SOX6: variants seen among roughly 807,000 people sequenced by gnomAD.
SOX6 encodes SRY-box transcription factor 6.
SOX6 carries 11 observed loss-of-function variants against 97.8 expected under a neutral mutation model. That is an observed-to-expected ratio of 0.11 (90% CI 0.07 to 0.19). The LOEUF is 0.19. SOX6 is among the 10% of genes least tolerant of loss of function. The pLI is 1.00. For synonymous variants in SOX6, 360 were observed against 371.4 expected (o/e 0.97, Z 0.35); for missense variants, 810 against 1,039.5 (o/e 0.78, Z 3.04).
intron 6 of SOX6, among the ~76,000 whole-genome samples, chr11:16,120,894 A>C (rs1389853253): frequency 6.6e-6 from 1 of 152,096 alleles, no homozygotes; most frequent in African/African-American, 2.4e-5. Context: ...TTACAGAGGA[A>C]AGAAATAATC....
At chr11:16,282,871 TAC>T in intron 3 of SOX6, among the ~76,000 whole-genome samples, 1 of 150,446 alleles carries the variant, frequency 6.6e-6, no homozygotes, top group South Asian at 2.1e-4. Flanking sequence ...TTAATGTTCT[TAC>T]TACTTGAAGT....
At chr11:16,513,175 C>T (rs552168750) in intron 4 of SOX6, among the ~76,000 whole-genome samples, 9 of 152,132 alleles carry the variant, frequency 5.9e-5, no homozygotes, top group African/African-American at 2.2e-4. Context: ...GGTCAACTGG[C>T]AGTAGTATGT....
chr11:16,514,816 G>A (rs915732576), intron 4 of SOX6, among the ~76,000 whole-genome samples: 4 of 151,072 alleles, frequency 2.6e-5, no homozygotes, highest in South Asian at 2.1e-4. Flanking sequence ...TTGTGCTTGC[G>A]ATAGTTTACT....
chr11:16,359,683 T>C (rs999044013), upstream of SOX6, among the ~76,000 whole-genome samples: 9 of 152,114 alleles, frequency 5.9e-5, no homozygotes, highest in African/African-American at 2.2e-4. Context: ...CTGATAAATG[T>C]TGTTGAAAGA....
rs1859198458 is a variant in SOX6, at chr11:16,428,425, C to T, written c.-5+47890G>A. On this transcript the variant is annotated intron_variant, in intron 1 of 15. Transcript: ENST00000396356. ...CCATGCCTATGTCCTGAATGTATTGCCTAGGTTTTCTTCTAGGGTTTTTAT... is the reference window on the plus strand; with the variant it reads ...CCATGCCTATGTCCTGAATGTATTGTCTAGGTTTTCTTCTAGGGTTTTTAT... Among the ~76,000 whole-genome samples the T allele has an allele frequency of 3.3e-5, 5 of 152,218 alleles. No individual in the cohort carries two copies. The South Asian group carries it at 1.0e-3, about 32-fold the overall frequency.
At chr11:16,125,816 TAGGAAGGAAGGAAGGAAGGAAGGA>T (rs3085337) in intron 6 of SOX6, among the ~76,000 whole-genome samples, 5 of 99,620 alleles carry the variant, frequency 5.0e-5, no homozygotes, top group South Asian at 3.8e-4. Context: ...AAAGAAATCA[TAGGAAGGAAGGAAGGAAGGAAGGA>T]AGGAAGGAAG....
intron 6 of SOX6, among the ~76,000 whole-genome samples, chr11:16,137,700 T>C (rs1850007033): frequency 6.6e-6 from 1 of 152,220 alleles, no homozygotes; most frequent in East Asian, 1.9e-4. Flanking sequence ...GGTTTGGCTG[T>C]GTCCCCACCC....
At chr11:16,588,105 T>A (rs1848114484) in intron 4 of SOX6, among the ~76,000 whole-genome samples, 7 of 152,238 alleles carry the variant, frequency 4.6e-5, no homozygotes, top group Admixed American at 3.3e-4. Context: ...TTATCGTTTT[T>A]GCTCATGAGT....
chr11:16,448,601 G>T (rs1474266078), intron 1 of SOX6, among the ~76,000 whole-genome samples: 7 of 152,128 alleles, frequency 4.6e-5, no homozygotes, highest in African/African-American at 1.7e-4. Flanking sequence ...ACTCTTAATA[G>T]ATATAATGTA....
chr11:16,238,735 C>A (rs1024896794), intron 3 of SOX6, among the ~76,000 whole-genome samples: 2 of 152,016 alleles, frequency 1.3e-5, no homozygotes, highest in Admixed American at 1.3e-4. Flanking sequence ...TACCTATAAG[C>A]AAACACTTAT....
At chr11:16,484,018 G>A in intron 4 of SOX6, 1 of 819,692 alleles carries the variant, frequency 1.2e-6, no homozygotes, top group South Asian at 1.3e-5. Context: ...AGGTCCTCGG[G>A]CTTGGCCCAG....
Position 16,234,590 on chromosome 11 carries a change from T to C in SOX6, c.527A>G (p.Glu176Gly). 6.3e-7 allele frequency: 1 copy of C among 1,576,338 alleles called. No individual in the cohort carries two copies. The highest frequency in any genetic ancestry group is 8.7e-7 in the Non-Finnish European group (1 of 1,149,354). The change falls in exon 4 of 16, where the codon GAA (glutamate) becomes GGA (glycine). Residue 176 changes from glutamate to glycine, a missense_variant. Physicochemically the swap from Glu to Gly is moderately conservative, Grantham distance 98 (BLOSUM62 -2). Transcript: ENST00000683767. ...TATATTTTATGTTGTACCTTTAATT[T>C]CTCCAAGAAGTTCACTGGTATTTAG... ...ERLNTSELLG[E>G]IKGTPESLAE...
intron 13 of SOX6, among the ~76,000 whole-genome samples, chr11:16,008,912 T>C (rs928942478): frequency 6.6e-6 from 1 of 152,058 alleles, no homozygotes; most frequent in East Asian, 1.9e-4. Flanking sequence ...TTACTCCTTT[T>C]CACCAGGTCT....
intron 3 of SOX6, among the ~76,000 whole-genome samples, chr11:16,683,477 A>C (rs898062420): frequency 1.3e-5 from 2 of 152,232 alleles, no homozygotes; most frequent in African/African-American, 4.8e-5. Context: ...AAAAACAAGA[A>C]ATGGGGAAAG....
chr11:16,453,139 TTTTCC>T (rs1010030893), intron 1 of SOX6, among the ~76,000 whole-genome samples: 30 of 152,296 alleles, frequency 2.0e-4, no homozygotes, highest in African/African-American at 7.2e-4. Flanking sequence ...CACGACTTTT[TTTTCC>T]TCTGAAGCTA....
At chr11:16,565,363 G>A (rs968775705) in intron 4 of SOX6, among the ~76,000 whole-genome samples, 1 of 151,986 alleles carries the variant, frequency 6.6e-6, no homozygotes, top group African/African-American at 2.4e-5. Flanking sequence ...TCTACCAAAT[G>A]TTTAAAGATT....
chr11:16,278,369 T>G (rs1565065451), intron 3 of SOX6, among the ~76,000 whole-genome samples: 1 of 152,162 alleles, frequency 6.6e-6, no homozygotes, highest in Non-Finnish European at 1.5e-5. Context: ...CTAATGAGTT[T>G]ATTATCCTAT....
At chr11:16,407,294 C>G (rs1858707489) in intron 1 of SOX6, among the ~76,000 whole-genome samples, 1 of 152,040 alleles carries the variant, frequency 6.6e-6, no homozygotes, top group Non-Finnish European at 1.5e-5. Context: ...AAGTCCAAGC[C>G]CTATCACATC....
chr11:16,287,241 A>G (rs1854772349), intron 3 of SOX6, among the ~76,000 whole-genome samples: 1 of 141,520 alleles, frequency 7.1e-6, no homozygotes, highest in Admixed American at 7.1e-5. Flanking sequence ...CTCTCCTTTT[A>G]ATCTCTCTTC....
Sources: gnomAD v4.1 joint callset for allele counts (sites outside exome capture counted in the v4.1 genomes callset) on GRCh38, gnomAD v4.1.1 for gene constraint, MANE v1.5 for transcripts, NCBI Gene and HGNC (gene_info 2026-07-23, HGNC 2026-07-21) for gene names.